Variants in OSTN observed in about 807,000 individuals in gnomAD.
OSTN encodes the protein osteocrin.
A neutral mutation model predicts 12.0 loss-of-function variants in OSTN; 9 were observed. The ratio of observed to expected loss-of-function variants is 0.75; its 90% CI spans 0.45 to 1.30. The LOEUF (loss-of-function observed/expected upper bound fraction) is 1.30, where lower values mean the gene tolerates loss of function less well. Among genes scored for constraint, OSTN ranks in the 50% most tolerant of loss-of-function variants. The pLI is 0.00. For missense variants in OSTN, 148 were observed against 152.3 expected (o/e 0.97, Z 0.15); for synonymous variants, 59 against 56.9 (o/e 1.04, Z -0.16).
chr3:191,229,695 A>C (rs1715001138), intron 3 of OSTN: 1 of 152,200 alleles, frequency 6.6e-6, no homozygotes, highest in African/African-American at 2.4e-5. Flanking sequence ...ACATGCGAAG[A>C]ATGCAATGAA....
chr3:191,218,961 G>T lies in OSTN; in HGVS notation c.317G>T (p.Arg106Met). 6.2e-7 allele frequency: 1 copy of T among 1,600,326 alleles called. No individual in the cohort carries two copies. The highest frequency in any genetic ancestry group is 1.1e-5 in the South Asian group (1 of 87,834). The change falls in exon 3 of 5, where the codon AGG becomes ATG. Residue 106 changes from arginine (R) to methionine (M), a missense_variant and splice_region_variant. Transcript: ENST00000682035. ...AGSVDHKGKQ[R>M]KVVDHPKRRF... ...TCTGTAGATCACAAAGGTAAACAGA[G>T]GTAAGTGAACTCAGAAAAAGAAAGT...
chr3:191,249,188 C>G (rs1715504254), intron 3 of OSTN, among the ~76,000 whole-genome samples: 1 of 152,152 alleles, frequency 6.6e-6, no homozygotes, highest in Non-Finnish European at 1.5e-5. Context: ...TAGACTCTCC[C>G]TGCTGTCTCT....
rs1419405442 is a variant in OSTN at position 191,231,070 on chromosome 3, A to C, written c.317+12109A>C. Among the ~76,000 whole-genome samples the C allele has an allele frequency of 4.6e-5, 7 of 152,330 alleles. No individual in the cohort carries two copies. In the East Asian group the frequency reaches 1.2e-3, roughly 25 times the overall value. ...AATTTATGCATTCAAGTTAAATTCC[A>C]AGGACACTTCCTCTGAGATTTTTTG... On this transcript the variant is annotated intron_variant, in intron 3 of 4. Coordinates refer to ENST00000682035, the MANE Select transcript of OSTN (RefSeq NM_198184.2).
chr3:191,249,734 C>T (rs1209198905), intron 3 of OSTN, among the ~76,000 whole-genome samples: 1 of 152,146 alleles, frequency 6.6e-6, no homozygotes, highest in Non-Finnish European at 1.5e-5. Flanking sequence ...AACTAAAGCA[C>T]TTAGTTGGCA....
intron 1 of OSTN, among the ~76,000 whole-genome samples, chr3:191,200,067 T>A (rs1226320952): frequency 1.3e-5 from 2 of 152,204 alleles, no homozygotes; most frequent in Admixed American, 6.5e-5. Context: ...TATTTGTTTA[T>A]GAGTTTTCCT....
intron 3 of OSTN, among the ~76,000 whole-genome samples, chr3:191,222,976 G>C (rs775617241): frequency 2.0e-5 from 3 of 151,878 alleles, no homozygotes; most frequent in Non-Finnish European, 4.4e-5. Flanking sequence ...GTTTCCTGAG[G>C]CTTCCCCAGC....
intron 1 of OSTN, among the ~76,000 whole-genome samples, chr3:191,205,286 A>G (rs1714242853): frequency 2.0e-5 from 3 of 152,160 alleles, no homozygotes; most frequent in African/African-American, 7.2e-5. Context: ...TAAGGAGCAC[A>G]GCTAAACCTC....
intron 3 of OSTN, among the ~76,000 whole-genome samples, chr3:191,240,542 TGAC>T (rs1449218113): frequency 6.6e-6 from 1 of 152,234 alleles, no homozygotes; most frequent in Non-Finnish European, 1.5e-5. Flanking sequence ...TACCTAAAAT[TGAC>T]GACAATAAAC....
At position 191,212,183 on chromosome 3, in the gene OSTN, A is replaced by G. The variant is rs1306936690; in HGVS notation, c.1-350A>G. Among the ~76,000 whole-genome samples, 4 of 152,262 alleles carry G rather than the reference A, an allele frequency of 2.6e-5. No homozygotes were observed. The East Asian group carries it at 7.7e-4, about 29-fold the overall frequency. On this transcript the variant is annotated intron_variant, in intron 1 of 4. Transcript: ENST00000682035. ...GCTCTAATGCCTTACCACTGTTACA[A>G]ATTTCTCCTCAGTTACATATATAAT...
intron 1 of OSTN, among the ~76,000 whole-genome samples, chr3:191,207,137 G>A (rs957483552): frequency 3.3e-5 from 5 of 152,114 alleles, no homozygotes; most frequent in East Asian, 1.9e-4. Context: ...AAATGTAGCC[G>A]TTGAATTAGT....
At chr3:191,249,549 A>G (rs1470549700) in intron 3 of OSTN, among the ~76,000 whole-genome samples, 1 of 152,204 alleles carries the variant, frequency 6.6e-6, no homozygotes, top group Non-Finnish European at 1.5e-5. Flanking sequence ...AAGGGAAGAC[A>G]TGAGAGGTAT....
At chr3:191,241,167 C>CA (rs1715309346) in intron 3 of OSTN, among the ~76,000 whole-genome samples, 2 of 46,444 alleles carry the variant, frequency 4.3e-5, no homozygotes, top group Non-Finnish European at 4.9e-5. Context: ...TGTGCCTTGA[C>CA]TTTTTTTTTT....
intron 2 of OSTN, among the ~76,000 whole-genome samples, chr3:191,218,542 G>A (rs1714680336): frequency 6.6e-6 from 1 of 152,180 alleles, no homozygotes; most frequent in African/African-American, 2.4e-5. Context: ...AGAATTGCTT[G>A]AACCTGGGAA....
intron 1 of OSTN, among the ~76,000 whole-genome samples, chr3:191,209,452 G>A (rs1415913524): frequency 4.6e-5 from 7 of 152,154 alleles, no homozygotes; most frequent in Non-Finnish European, 1.0e-4. Flanking sequence ...CAAATATCAA[G>A]TTAGCGAAAA....
chr3:191,205,869 A>T (rs1442952039), intron 1 of OSTN, among the ~76,000 whole-genome samples: 1 of 152,054 alleles, frequency 6.6e-6, no homozygotes, highest in Non-Finnish European at 1.5e-5. Context: ...CATGATAGGA[A>T]AAAAAAGAGA....
chr3:191,219,039 T>C, intron 3 of OSTN, 78 bp downstream of exon 3: 2 of 1,291,588 alleles, frequency 1.5e-6, no homozygotes, highest in Non-Finnish European at 2.1e-6. Flanking sequence ...GAATTCCACA[T>C]GAAAAATACA....
chr3:191,216,717 G>T (rs770258676), intron 2 of OSTN, among the ~76,000 whole-genome samples: 1 of 152,296 alleles, frequency 6.6e-6, no homozygotes, highest in Middle Eastern at 3.4e-3. Flanking sequence ...ATAAAGCATA[G>T]CAACAGTCAC....
At chr3:191,242,967 G>GA (rs142478953) in intron 3 of OSTN, among the ~76,000 whole-genome samples, 11,788 of 145,728 alleles carry the variant, frequency 0.081, 1,482 homozygotes, top group African/African-American at 0.27. Flanking sequence ...ATGTTTAAAA[G>GA]AAAAAAAAAA....
At chr3:191,213,718 A>G (rs954288865) in intron 2 of OSTN, among the ~76,000 whole-genome samples, 2 of 152,086 alleles carry the variant, frequency 1.3e-5, no homozygotes, top group South Asian at 2.1e-4. Flanking sequence ...TAAATAGCAT[A>G]AAGTGAGAGT....
Sources: allele counts gnomAD v4.1 joint callset (sites outside exome capture counted in the v4.1 genomes callset), GRCh38; gene constraint gnomAD v4.1.1; transcripts MANE v1.5; gene names NCBI Gene and HGNC (gene_info 2026-07-23, HGNC 2026-07-21).